The following DPYSL5 variants were observed in gnomAD, a reference collection of about 807,000 sequenced individuals.
DPYSL5 encodes the protein dihydropyrimidinase like 5.
Under a neutral mutation model 58.4 loss-of-function variants are expected in DPYSL5, and 9 were observed. The observed-to-expected ratio is 0.15, with a 90% CI of 0.09 to 0.27. The LOEUF (loss-of-function observed/expected upper bound fraction) is 0.27, where lower values mean the gene tolerates loss of function less well. Ranked by LOEUF, DPYSL5 falls within the 10% of genes least tolerant of loss-of-function variation. The probability of loss-of-function intolerance (pLI) is 1.00; values close to 1 mark genes in which losing one functional copy is unlikely to be tolerated. For synonymous variants in DPYSL5, 293 were observed against 301.9 expected (o/e 0.97, Z 0.31); for missense variants, 499 against 770.6 (o/e 0.65, Z 4.17).
At chr2:26,908,236 T>C (rs1199786815) in intron 2 of DPYSL5, among the ~76,000 whole-genome samples, 1 of 152,248 alleles carries the variant, frequency 6.6e-6, no homozygotes, top group Non-Finnish European at 1.5e-5. Flanking sequence ...AAGCATCAAA[T>C]AGGAACTGAA....
chr2:26,861,109 G>T, intron 1 of DPYSL5, among the ~76,000 whole-genome samples: 1 of 152,182 alleles, frequency 6.6e-6, no homozygotes, highest in Admixed American at 6.5e-5. Context: ...ACCCCCAGAT[G>T]CAGGCCTCCG....
intron 2 of DPYSL5, among the ~76,000 whole-genome samples, chr2:26,918,819 G>A (rs567247612): frequency 1.4e-4 from 21 of 152,258 alleles, no homozygotes; most frequent in African/African-American, 5.1e-4. Context: ...TTCGTATGAA[G>A]ATATGCTCTA....
At chr2:26,894,436 C>G (rs933209075) in intron 1 of DPYSL5, among the ~76,000 whole-genome samples, 1 of 152,182 alleles carries the variant, frequency 6.6e-6, no homozygotes, top group African/African-American at 2.4e-5. Flanking sequence ...ACTTTAACCT[C>G]TCTGTATCTC....
chr2:26,940,656 T>C (rs886360773), intron 9 of DPYSL5, among the ~76,000 whole-genome samples: 1 of 151,876 alleles, frequency 6.6e-6, no homozygotes, highest in Non-Finnish European at 1.5e-5. Context: ...TGGCTTCATA[T>C]TTTTTTCTTT....
chr2:26,871,545 C>G (rs1663262322), intron 1 of DPYSL5, among the ~76,000 whole-genome samples: 1 of 152,054 alleles, frequency 6.6e-6, no homozygotes, highest in African/African-American at 2.4e-5. Flanking sequence ...CAGGTTCAAG[C>G]AGTTCTCTGC....
Position 26,906,057 on chromosome 2 carries a change from C to T in DPYSL5, c.261+7297C>T, listed in dbSNP as rs775708797. On this transcript the variant is annotated intron_variant, in intron 2 of 12. Transcript: ENST00000288699. ...GTCAGCCTGGGGCGGATCTCAGTGC[C>T]TGGAGGCTGCCAGCACCCTTTGCCA... Among the ~76,000 whole-genome samples the T allele has an allele frequency of 4.8e-4, 73 of 152,126 alleles. 1 individual carries two copies. The highest frequency in any genetic ancestry group is 9.2e-4 in the Admixed American group (14 of 15,268).
intron 1 of DPYSL5, among the ~76,000 whole-genome samples, chr2:26,865,143 T>C (rs750409998): frequency 1.9e-4 from 29 of 152,196 alleles, no homozygotes; most frequent in Admixed American, 3.3e-4. Context: ...TTTTTCCTCC[T>C]TCTGATTTTG....
chr2:26,881,445 A>G (rs571995408), intron 1 of DPYSL5, among the ~76,000 whole-genome samples: 1 of 152,262 alleles, frequency 6.6e-6, no homozygotes, highest in South Asian at 2.1e-4. Context: ...CTTGCTGCTC[A>G]TCTCCTCAAA....
rs530083936 is a variant in DPYSL5 at position 26,869,361 on chromosome 2, G to A, written c.-5+21107G>A. Among the ~76,000 whole-genome samples the A allele has an allele frequency of 1.1e-4, 17 of 152,164 alleles. No individual in the cohort carries two copies. In the East Asian group the frequency reaches 1.5e-3, roughly 14 times the overall value. ...ACTTGCTTTAAGTGTATAATTTGCC[G>A]ATGATTAGATTTTTACAGTTGTGTA... On this transcript the variant is annotated intron_variant, in intron 1 of 12. Coordinates refer to ENST00000288699, the MANE Select transcript of DPYSL5 (RefSeq NM_020134.4).
intron 6 of DPYSL5, 44 bp downstream of exon 6, chr2:26,931,728 G>T (rs756721809): frequency 3.7e-6 from 6 of 1,605,766 alleles, no homozygotes; most frequent in South Asian, 1.1e-5. Context: ...ACCAACCTTG[G>T]CCAGGCACGG....
Position 26,849,182 on chromosome 2 carries a change from G to A in DPYSL5, c.-5+928G>A, listed in dbSNP as rs1665680374. Among the ~76,000 whole-genome samples the A allele has an allele frequency of 6.6e-6, 1 of 151,930 alleles. No homozygotes were observed. The highest frequency in any genetic ancestry group is 2.4e-5 in the African/African-American group (1 of 41,372). On this transcript the variant is annotated intron_variant, in intron 1 of 12. Coordinates refer to ENST00000288699, the MANE Select transcript of DPYSL5 (RefSeq NM_020134.4). The surrounding 1 kb of genome is among the most constrained non-coding windows in gnomAD (Gnocchi z 6.2). ...TCCGAAGAACGAGGGAAGGAGCTCG[G>A]TGCAGGTGGCGCCCGGCGAGGCTGG...
intron 2 of DPYSL5, among the ~76,000 whole-genome samples, chr2:26,915,001 T>C (rs959030427): frequency 6.6e-6 from 1 of 152,152 alleles, no homozygotes; most frequent in African/African-American, 2.4e-5. Context: ...TGGTCTTGTC[T>C]TAATCTTGAT....
Position 26,944,527 on chromosome 2 carries a change from G to A in DPYSL5, c.1441-129G>A. On this transcript the variant is annotated intron_variant, in intron 11 of 12. Coordinates refer to ENST00000288699, the MANE Select transcript of DPYSL5 (RefSeq NM_020134.4). This position sits in a 1 kb window ranked among gnomAD's most constrained non-coding sequence, Gnocchi z 4.4. ...AATGTTTAAGAAGCCTTGGTCACTT[G>A]CAGTGATTTGGGTCTTGGGCAGAGT... 9.8e-7 allele frequency: 1 copy of A among 1,017,976 alleles called. No homozygotes were observed. Among genetic ancestry groups the A allele is most frequent in the South Asian group, 1.6e-5 (1 of 61,942 alleles). The allele number at this position is 1,017,976 out of a possible 1,614,324, so 63.1% of individuals were successfully genotyped here.
intron 1 of DPYSL5, among the ~76,000 whole-genome samples, chr2:26,896,771 G>A (rs776887264): frequency 6.6e-6 from 1 of 152,144 alleles, no homozygotes; most frequent in East Asian, 1.9e-4. Flanking sequence ...ATTTATTTTG[G>A]ATATTAACCT....
intron 2 of DPYSL5, among the ~76,000 whole-genome samples, chr2:26,919,832 C>G (rs1018720871): frequency 2.6e-5 from 4 of 152,070 alleles, no homozygotes; most frequent in Admixed American, 6.6e-5. Context: ...CAAGAATGCT[C>G]AAGCACTGTG....
At chr2:26,860,942 G>A (rs1359179036) in intron 1 of DPYSL5, among the ~76,000 whole-genome samples, 1 of 152,156 alleles carries the variant, frequency 6.6e-6, no homozygotes, top group East Asian at 1.9e-4. Context: ...CAATTTACAT[G>A]GCTTTAAATG....
rs534933900 is a variant in DPYSL5 at position 26,860,730 on chromosome 2, G to A, written c.-5+12476G>A. 8.5e-5 allele frequency among the ~76,000 whole-genome samples: 13 copies of A among 152,296 alleles called. No homozygotes were observed. The South Asian group carries it at 1.9e-3, about 22-fold the overall frequency. Reference sequence around the variant, plus strand: ...ATAAGGCAGGTATTTCTGTTCTGATGTAGAACAATCTCTAATATATATCAT... The same window carrying A: ...ATAAGGCAGGTATTTCTGTTCTGATATAGAACAATCTCTAATATATATCAT... On this transcript the variant is annotated intron_variant, in intron 1 of 12. Coordinates refer to ENST00000288699, the MANE Select transcript of DPYSL5 (RefSeq NM_020134.4).
At position 26,940,093 on chromosome 2, in the gene DPYSL5, G is replaced by T. The variant is rs140899312; in HGVS notation, c.1010G>T (p.Gly337Val). The T allele has an allele frequency of 1.9e-6, 3 of 1,614,072 alleles. No homozygotes were observed. Among genetic ancestry groups the T allele is most frequent in the African/African-American group, 1.3e-5 (1 of 74,920 alleles). The change falls in exon 9 of 13, where the codon GGC (glycine) becomes GTC (valine). Residue 337 changes from glycine (G) to valine (V), a missense_variant. By Grantham distance (109) the Gly-to-Val change is moderately radical. This residue lies in a region of DPYSL5 where 404 missense variants were observed against 647.6 expected (regional missense o/e 0.62). Transcript: ENST00000288699. ...RPFTTKQKAM[G>V]KEDFTKIPHG... ...TTCACCACAAAGCAGAAAGCTATGG[G>T]CAAGGAAGACTTCACCAAGATCCCA...
intron 6 of DPYSL5, 76 bp downstream of exon 6, chr2:26,931,760 C>G (rs1021972250): frequency 6.5e-7 from 1 of 1,538,110 alleles, no homozygotes; most frequent in African/African-American, 1.4e-5. Flanking sequence ...GTAATCCCAG[C>G]ACTTTGGGAG....
Sources: allele counts gnomAD v4.1 joint callset (sites outside exome capture counted in the v4.1 genomes callset), GRCh38; gene constraint gnomAD v4.1.1; regional missense constraint gnomAD v4.1.1; non-coding constraint Gnocchi (gnomAD v3.1); transcripts MANE v1.5; gene names NCBI Gene and HGNC (gene_info 2026-07-23, HGNC 2026-07-21).